The following SPAG16 variants were observed in gnomAD, a reference collection of about 807,000 sequenced individuals.
SPAG16 encodes sperm-associated antigen 16 protein.
SPAG16 carries 86 observed loss-of-function variants against 80.4 expected under a neutral mutation model. That is an observed-to-expected ratio of 1.07 (90% confidence interval 0.90 to 1.28). The LOEUF is 1.28. SPAG16 is among the 50% of genes most tolerant of loss of function. SPAG16 has a pLI of 0.00. For missense variants in SPAG16, 870 were observed against 765.3 expected, an observed-to-expected ratio of 1.14 and a Z score of -1.61; for synonymous variants, 294 against 265.9, an observed-to-expected ratio of 1.11 and a Z score of -1.03.
chr2:214,104,889 A>G lies in SPAG16; in HGVS notation c.1528-3307A>G, dbSNP rs145903834. Among the ~76,000 whole-genome samples, 40 of 152,176 alleles carry G rather than the reference A, an allele frequency of 2.6e-4. No homozygotes were observed. In the East Asian group the frequency reaches 7.0e-3, roughly 27 times the overall value. ...TGGGAAATCATCACTGCCCACTACC[A>G]CTGTGTCTGAAAGGGGAGGGGAAGG... is the stretch of plus-strand genomic sequence containing the variant. On this transcript the variant is annotated intron_variant, in intron 13 of 15. Coordinates refer to ENST00000331683, the MANE Select transcript of SPAG16 (RefSeq NM_024532.5).
intron 10 of SPAG16, among the ~76,000 whole-genome samples, chr2:213,856,641 G>A (rs1193096767): frequency 6.6e-6 from 1 of 152,116 alleles, no homozygotes; most frequent in South Asian, 2.1e-4. Flanking sequence ...ATCCCCCACA[G>A]GCCCAACACA....
At chr2:213,781,209 G>T (rs1217191604) in intron 10 of SPAG16, among the ~76,000 whole-genome samples, 2 of 152,084 alleles carry the variant, frequency 1.3e-5, no homozygotes, top group Admixed American at 6.5e-5. Flanking sequence ...TTTTTAGGCG[G>T]ATGCCTCTGC....
At chr2:214,258,471 GTATATA>G (rs146532641) in intron 15 of SPAG16, among the ~76,000 whole-genome samples, 3 of 141,416 alleles carry the variant, frequency 2.1e-5, no homozygotes, top group South Asian at 2.2e-4. Flanking sequence ...ATGTGTGTGT[GTATATA>G]TATATATATA....
At chr2:213,412,936 A>G (rs1237583828) in intron 9 of SPAG16, among the ~76,000 whole-genome samples, 1 of 152,216 alleles carries the variant, frequency 6.6e-6, no homozygotes, top group Non-Finnish European at 1.5e-5. Context: ...TTATTATTAA[A>G]TTGATAATTT....
intron 7 of SPAG16, among the ~76,000 whole-genome samples, chr2:213,357,891 G>T (rs972218386): frequency 1.3e-4 from 20 of 152,210 alleles, no homozygotes; most frequent in Non-Finnish European, 8.8e-5. Context: ...GCAGTGGCTG[G>T]TACTGGTTGT....
intron 10 of SPAG16, among the ~76,000 whole-genome samples, chr2:213,801,028 C>A (rs1487442988): frequency 1.3e-5 from 2 of 152,082 alleles, no homozygotes; most frequent in African/African-American, 4.8e-5. Flanking sequence ...AGCATAAAAA[C>A]AATAATGCCA....
intron 9 of SPAG16, among the ~76,000 whole-genome samples, chr2:213,398,285 T>C (rs2068143149): frequency 6.6e-6 from 1 of 152,154 alleles, no homozygotes. Context: ...CACAGTCATC[T>C]TCTTAAAACA....
At chr2:214,167,423 T>A (rs1306127544) in intron 15 of SPAG16, among the ~76,000 whole-genome samples, 5 of 152,106 alleles carry the variant, frequency 3.3e-5, no homozygotes, top group Admixed American at 3.3e-4. Context: ...AGGATGCCCA[T>A]GAGCCAACAA....
At chr2:213,512,433 T>C (rs752517609) in intron 10 of SPAG16, among the ~76,000 whole-genome samples, 1 of 152,196 alleles carries the variant, frequency 6.6e-6, no homozygotes, top group African/African-American at 2.4e-5. Context: ...CCTGTATTAA[T>C]TACTAAAGAC....
chr2:213,967,507 TTG>T (rs2044766654), intron 12 of SPAG16, among the ~76,000 whole-genome samples: 1 of 152,050 alleles, frequency 6.6e-6, no homozygotes, highest in South Asian at 2.1e-4. Flanking sequence ...ATACAGCTAA[TTG>T]GAGAAAAAAG....
intron 10 of SPAG16, among the ~76,000 whole-genome samples, chr2:213,808,176 G>A (rs1482564864): frequency 6.6e-6 from 1 of 152,168 alleles, no homozygotes; most frequent in Admixed American, 6.5e-5. Context: ...TACCTGCTAT[G>A]TGCTGAGTAT....
intron 10 of SPAG16, among the ~76,000 whole-genome samples, chr2:213,630,083 G>T (rs568971514): frequency 1.3e-5 from 2 of 152,100 alleles, no homozygotes; most frequent in South Asian, 4.1e-4. Context: ...CTCTATTTTG[G>T]CAACTTAAAG....
At chr2:213,954,358 T>C (rs1225752820) in intron 12 of SPAG16, among the ~76,000 whole-genome samples, 1 of 152,106 alleles carries the variant, frequency 6.6e-6, no homozygotes, top group Non-Finnish European at 1.5e-5. Flanking sequence ...CAATAGCTTA[T>C]CCATTTTTAT....
At chr2:214,041,580 A>G (rs1185544084) in intron 13 of SPAG16, among the ~76,000 whole-genome samples, 1 of 151,680 alleles carries the variant, frequency 6.6e-6, no homozygotes, top group South Asian at 2.1e-4. Context: ...TAGTCTTCCA[A>G]TTGTATTGTA....
intron 5 of SPAG16, among the ~76,000 whole-genome samples, chr2:213,336,477 G>A (rs6741023): frequency 0.97 from 148,380 of 152,322 alleles, 72,383 homozygotes; most frequent in East Asian, 1. Flanking sequence ...AGACTGCCTA[G>A]GAAGACTTAA....
chr2:213,660,838 G>A (rs550112761), intron 10 of SPAG16, among the ~76,000 whole-genome samples: 9 of 152,304 alleles, frequency 5.9e-5, no homozygotes, highest in East Asian at 3.9e-4. Flanking sequence ...TACAGCTGTC[G>A]ATCATGTGCT....
At chr2:213,368,765 C>G (rs983786771) in intron 8 of SPAG16, among the ~76,000 whole-genome samples, 1 of 152,136 alleles carries the variant, frequency 6.6e-6, no homozygotes, top group Admixed American at 6.5e-5. Flanking sequence ...TTCTTATACA[C>G]CAATAACACA....
chr2:213,982,497 A>G lies in SPAG16; in HGVS notation c.1401-31454A>G, dbSNP rs185577891. ...TATACTTACATACAACAAAGTTTTG[A>G]AGTATTTTTTAGCTCTGAAAAGGAA... On this transcript the variant is annotated intron_variant, in intron 12 of 15. Coordinates refer to ENST00000331683, the MANE Select transcript of SPAG16 (RefSeq NM_024532.5). Among the ~76,000 whole-genome samples, 27 of 152,154 alleles carry G rather than the reference A, an allele frequency of 1.8e-4. No individual in the cohort carries two copies. In the East Asian group the frequency reaches 3.7e-3, roughly 21 times the overall value.
chr2:213,763,669 A>G (rs529094324), intron 10 of SPAG16, among the ~76,000 whole-genome samples: 1 of 151,182 alleles, frequency 6.6e-6, no homozygotes, highest in Admixed American at 6.6e-5. Context: ...TTTTTTTTTT[A>G]CCACGATAAA....
Sources: allele counts gnomAD v4.1 joint callset (sites outside exome capture counted in the v4.1 genomes callset), GRCh38; gene constraint gnomAD v4.1.1; transcripts MANE v1.5; gene names NCBI Gene and HGNC (gene_info 2026-07-23, HGNC 2026-07-21).